Variants in MTUS2 observed in about 807,000 individuals in gnomAD.
MTUS2 encodes the protein microtubule associated scaffold protein 2.
A neutral mutation model predicts 114.1 loss-of-function variants in MTUS2; 40 were observed. The ratio of observed to expected loss-of-function variants is 0.35; its 90% confidence interval spans 0.27 to 0.46. MTUS2 has a LOEUF of 0.46. Ranked by LOEUF, MTUS2 falls within the 20% of genes least tolerant of loss-of-function variation. The pLI, the probability that MTUS2 is intolerant of heterozygous loss-of-function variation, is 1.00. For synonymous variants in MTUS2, 688 were observed against 672.0 expected, an observed-to-expected ratio of 1.02 and a Z score of -0.37; for missense variants, 1,679 against 1,705.4, an observed-to-expected ratio of 0.98 and a Z score of 0.27.
intron 11 of MTUS2, among the ~76,000 whole-genome samples, chr13:29,491,570 G>A: frequency 8.0e-6 from 1 of 124,640 alleles, no homozygotes. Context: ...GTATGTGGGG[G>A]AGTGTGTGGG....
chr13:29,492,545 T>C (rs893154870), intron 11 of MTUS2, 101 bp from the exon 12 acceptor site: 2 of 878,258 alleles, frequency 2.3e-6, no homozygotes, highest in African/African-American at 1.7e-5. Context: ...ACGGGAGTCA[T>C]TTATTTACCT....
intron 4 of MTUS2, among the ~76,000 whole-genome samples, chr13:29,091,267 C>G (rs1335157425): frequency 6.6e-6 from 1 of 152,072 alleles, no homozygotes; most frequent in Admixed American, 6.6e-5. Context: ...TACCCACACT[C>G]AGGTATTTAT....
intron 2 of MTUS2, among the ~76,000 whole-genome samples, chr13:28,937,250 G>A (rs1406819186): frequency 6.6e-6 from 1 of 152,140 alleles, no homozygotes; most frequent in Non-Finnish European, 1.5e-5. Context: ...GGTAGCTAGA[G>A]GTTTGTAAAA....
At chr13:29,363,682 T>G (rs1004650911) in intron 8 of MTUS2, among the ~76,000 whole-genome samples, 1 of 152,234 alleles carries the variant, frequency 6.6e-6, no homozygotes. Flanking sequence ...GGTATGTATA[T>G]TTTTTATATA....
intron 5 of MTUS2, among the ~76,000 whole-genome samples, chr13:29,210,797 C>T (rs11618881): frequency 0.15 from 22,703 of 152,148 alleles, 1,875 homozygotes; most frequent in East Asian, 0.31. Context: ...GTCTGTCAGC[C>T]GTGAGTACGA....
chr13:29,186,716 A>G (rs952377122), intron 5 of MTUS2, among the ~76,000 whole-genome samples: 1 of 152,224 alleles, frequency 6.6e-6, no homozygotes, highest in Non-Finnish European at 1.5e-5. Context: ...AAGCACCTAG[A>G]ATGAAGGCAA....
At chr13:28,993,924 TAA>T (rs1298746093) in intron 2 of MTUS2, among the ~76,000 whole-genome samples, 1 of 152,192 alleles carries the variant, frequency 6.6e-6, no homozygotes, top group African/African-American at 2.4e-5. Context: ...TATTATACTT[TAA>T]GTTTTAGGGT....
chr13:29,116,296 AT>A (rs1199013302), intron 5 of MTUS2, among the ~76,000 whole-genome samples: 1 of 152,230 alleles, frequency 6.6e-6, no homozygotes, highest in Non-Finnish European at 1.5e-5. Flanking sequence ...TATGCAATAA[AT>A]TTAGATTATG....
intron 7 of MTUS2, among the ~76,000 whole-genome samples, chr13:29,358,399 C>A (rs1323129628): frequency 6.6e-6 from 1 of 152,362 alleles, no homozygotes; most frequent in South Asian, 2.1e-4. Flanking sequence ...AGGCAGAGCT[C>A]CTTGCCCCGT....
At chr13:29,449,591 G>A (rs1007463121) in intron 9 of MTUS2, among the ~76,000 whole-genome samples, 8 of 151,884 alleles carry the variant, frequency 5.3e-5, no homozygotes, top group Admixed American at 2.6e-4. Context: ...AGCTGGTGTG[G>A]GACAAAAGTC....
intron 7 of MTUS2, among the ~76,000 whole-genome samples, chr13:29,341,352 G>T (rs1901386069): frequency 6.6e-6 from 1 of 152,124 alleles, no homozygotes; most frequent in African/African-American, 2.4e-5. Context: ...ATTCTTGCAG[G>T]AGTAAGGTGG....
At chr13:29,158,358 C>CCCCCTTTT in intron 5 of MTUS2, among the ~76,000 whole-genome samples, 9 of 32,048 alleles carry the variant, frequency 2.8e-4, no homozygotes, top group Admixed American at 4.2e-4. Context: ...GTCCACCCCG[C>CCCCCTTTT]TTTTTTTTTT....
rs115820191 is a variant in MTUS2, at chr13:29,176,956, G to A, written c.2644+75986G>A. On this transcript the variant is annotated intron_variant, in intron 5 of 15. Transcript: ENST00000612955. Reference sequence around the variant, plus strand: ...TGGCTCTTTACTGTCAATGATCTCTGTTGCCGTAGAGAGATTGTAGGGAGA... The same window carrying A: ...TGGCTCTTTACTGTCAATGATCTCTATTGCCGTAGAGAGATTGTAGGGAGA... 1.2e-3 allele frequency among the ~76,000 whole-genome samples: 187 copies of A among 151,070 alleles called. 13 individuals carry two copies. Among genetic ancestry groups the A allele is most frequent in the African/African-American group, 4.4e-3 (179 of 40,464 alleles).
chr13:29,289,759 C>T (rs974543467), intron 6 of MTUS2, among the ~76,000 whole-genome samples: 1 of 152,074 alleles, frequency 6.6e-6, no homozygotes, highest in East Asian at 1.9e-4. Flanking sequence ...GCCACTGCGC[C>T]TGGCCCAAAG....
At chr13:29,471,189 A>C (rs923100417) in intron 9 of MTUS2, among the ~76,000 whole-genome samples, 1 of 151,846 alleles carries the variant, frequency 6.6e-6, no homozygotes, top group Non-Finnish European at 1.5e-5. Context: ...CTAAAAATAC[A>C]CAAATTAGCT....
intron 5 of MTUS2, among the ~76,000 whole-genome samples, chr13:29,257,995 C>T (rs949279036): frequency 8.5e-5 from 13 of 152,190 alleles, no homozygotes; most frequent in African/African-American, 2.9e-4. Context: ...CTCTACTCAG[C>T]ACTATGTAGG....
chr13:29,327,054 G>A lies in MTUS2; in HGVS notation c.2905+2343G>A, dbSNP rs1308694809. Among the ~76,000 whole-genome samples the A allele has an allele frequency of 2.0e-5, 3 of 151,948 alleles. No homozygotes were observed. The East Asian group carries it at 5.8e-4, about 29-fold the overall frequency. On this transcript the variant is annotated intron_variant, in intron 7 of 15. Coordinates refer to ENST00000612955, the MANE Select transcript of MTUS2 (RefSeq NM_001033602.4). ...GTGTTCCCTTATTAAACAGTCTAAAGGTATGTTTCAAGTGCGTTTTTATGC... is the reference window on the plus strand; with the variant it reads ...GTGTTCCCTTATTAAACAGTCTAAAAGTATGTTTCAAGTGCGTTTTTATGC...
At chr13:29,226,965 A>G (rs1896129709) in intron 5 of MTUS2, among the ~76,000 whole-genome samples, 1 of 152,048 alleles carries the variant, frequency 6.6e-6, no homozygotes, top group Non-Finnish European at 1.5e-5. Context: ...CTGGACTTGA[A>G]TCTGCATAGG....
At chr13:29,282,344 T>C (rs1011802708) in intron 6 of MTUS2, among the ~76,000 whole-genome samples, 10 of 152,298 alleles carry the variant, frequency 6.6e-5, no homozygotes, top group African/African-American at 2.2e-4. Flanking sequence ...ACTCCCATGG[T>C]AGGGTTGGCT....
Sources: allele counts gnomAD v4.1 joint callset (sites outside exome capture counted in the v4.1 genomes callset), GRCh38; gene constraint gnomAD v4.1.1; transcripts MANE v1.5; gene names NCBI Gene and HGNC (gene_info 2026-07-23, HGNC 2026-07-21).